The following EIF3E variants were observed in gnomAD, a reference collection of about 807,000 sequenced individuals.
EIF3E encodes eIF-3 p48.
A neutral mutation model predicts 59.3 loss-of-function variants in EIF3E; 25 were observed. The observed-to-expected ratio is 0.42, with a 90% CI of 0.31 to 0.59. The LOEUF is 0.59. Ranked by LOEUF, EIF3E falls within the 20% of genes least tolerant of loss-of-function variation. EIF3E has a pLI of 0.15. For missense variants in EIF3E, 317 were observed against 534.3 expected, an observed-to-expected ratio of 0.59 and a Z score of 4.01; for synonymous variants, 176 against 170.2, an observed-to-expected ratio of 1.03 and a Z score of -0.26.
At chr8:108,235,191 G>T in intron 4 of EIF3E, 89 bp from the exon 5 acceptor site, 3 of 680,062 alleles carry the variant, frequency 4.4e-6, no homozygotes, top group Non-Finnish European at 6.9e-6. Context: ...TCAAAACTAT[G>T]AATGTTTAAG....
rs569695292 is a variant in EIF3E at position 108,219,553 on chromosome 8, T to C, written c.723-2093A>G. On this transcript the variant is annotated intron_variant, in intron 7 of 12. Transcript: ENST00000220849. ...AATGTTTTTCTGATAATGTAATCTGTAATGAGATTTTACATATTTAGTCCT... is the reference window on the plus strand; with the variant it reads ...AATGTTTTTCTGATAATGTAATCTGCAATGAGATTTTACATATTTAGTCCT... Among the ~76,000 whole-genome samples the C allele has an allele frequency of 3.9e-5, 6 of 152,324 alleles. No individual in the cohort carries two copies. The South Asian group carries it at 1.0e-3, about 26-fold the overall frequency.
rs776055807 is a variant in EIF3E, at chr8:108,248,570, T to G, written c.90+43A>C. 4 of 1,602,068 alleles carry G rather than the reference T, an allele frequency of 2.5e-6. No individual in the cohort carries two copies. The East Asian group carries it at 6.7e-5, about 27-fold the overall frequency. On this transcript the variant is annotated intron_variant, in intron 1 of 12. Coordinates refer to ENST00000220849, the MANE Select transcript of EIF3E (RefSeq NM_001568.3). ...CCACCTTTCGGCCTTGCTCAGCACC[T>G]CATCCGCCCCCACGCCTTCCTTGCG...
At chr8:108,216,708 A>G (rs1438956117) in intron 8 of EIF3E, among the ~76,000 whole-genome samples, 195 bp from the exon 9 acceptor site, 2 of 152,096 alleles carry the variant, frequency 1.3e-5, no homozygotes, top group Non-Finnish European at 2.9e-5. Context: ...TTTCAAACCA[A>G]GTTCTCTAAA....
chr8:108,224,683 T>C (rs1003690995), intron 7 of EIF3E, among the ~76,000 whole-genome samples: 3 of 151,576 alleles, frequency 2.0e-5, no homozygotes, highest in African/African-American at 7.3e-5. Flanking sequence ...GCTGTTTCTG[T>C]TCAAAGAAAA....
intron 2 of EIF3E, among the ~76,000 whole-genome samples, chr8:108,240,752 C>T (rs927129946): frequency 7.9e-5 from 12 of 152,140 alleles, no homozygotes; most frequent in East Asian, 3.9e-4. Context: ...GAGGCCAAGG[C>T]GGGCTGATCA....
intron 3 of EIF3E, among the ~76,000 whole-genome samples, chr8:108,237,322 G>T (rs2848620): frequency 0.58 from 88,171 of 151,968 alleles, 25,577 homozygotes; most frequent in Middle Eastern, 0.63. Context: ...TGTAATCTCG[G>T]CTCACTGCCA....
At chr8:108,240,143 T>C (rs1465426986) in intron 2 of EIF3E, 68 bp from the exon 3 acceptor site, 1 of 1,298,838 alleles carries the variant, frequency 7.7e-7, no homozygotes, top group African/African-American at 1.5e-5. Flanking sequence ...ATCATGAGAA[T>C]GTCTGGAAAT....
Position 108,205,639 on chromosome 8 carries a change from T to G in EIF3E, c.1062-2136A>C, listed in dbSNP as rs573907549. Among the ~76,000 whole-genome samples the G allele has an allele frequency of 1.4e-4, 21 of 152,324 alleles. No individual in the cohort carries two copies. The South Asian group carries it at 3.9e-3, about 29-fold the overall frequency. The stretch of plus-strand genomic sequence containing the variant: ...CTGGCTAGCATGATGACATCTTGTA[T>G]TGTCCTACTGTCTCACCTAGGACTT... On this transcript the variant is annotated intron_variant, in intron 10 of 12. Coordinates refer to ENST00000220849, the MANE Select transcript of EIF3E (RefSeq NM_001568.3).
intron 10 of EIF3E, 98 bp from the exon 11 acceptor site, chr8:108,203,601 G>T: frequency 2.2e-6 from 2 of 923,472 alleles, no homozygotes; most frequent in Non-Finnish European, 3.4e-6. Flanking sequence ...GATACTTTTT[G>T]GTATTTCTGG....
At chr8:108,233,659 T>G in intron 5 of EIF3E, 1 of 411,630 alleles carries the variant, frequency 2.4e-6, no homozygotes, top group South Asian at 1.7e-5. Context: ...CTGGGCAACA[T>G]AGCAAGACTC....
Position 108,217,374 on chromosome 8 carries a change from C to G in EIF3E, c.809G>C (p.Arg270Pro). The G allele has an allele frequency of 6.3e-7, 1 of 1,587,788 alleles. No individual in the cohort carries two copies. Among genetic ancestry groups the G allele is most frequent in the Non-Finnish European group, 8.6e-7 (1 of 1,166,286 alleles). ...AVITNKDVRK[R>P]RQVLKDLVKV... Reference sequence around the variant, plus strand: ...AACTAGATCTTTTAGAACCTGCCGACGTTTTCGAACATCCTTGTTTGTTAT... The same window carrying G: ...AACTAGATCTTTTAGAACCTGCCGAGGTTTTCGAACATCCTTGTTTGTTAT... The change falls in exon 8 of 13, where the codon CGT (arginine) becomes CCT (proline). Residue 270 changes from arginine (R) to proline (P), a missense_variant. Around this residue, in one of 4 missense-constraint regions of EIF3E, gnomAD observed 242 missense variants for 398.0 expected, o/e 0.61. Coordinates refer to ENST00000220849, the MANE Select transcript of EIF3E (RefSeq NM_001568.3).
chr8:108,202,325 C>T (rs367889277), intron 12 of EIF3E, among the ~76,000 whole-genome samples: 2 of 152,172 alleles, frequency 1.3e-5, no homozygotes, highest in East Asian at 3.9e-4. Context: ...ATTCTGCGGA[C>T]ACAAATTTGT....
chr8:108,237,064 T>C (rs1815747509), intron 3 of EIF3E, among the ~76,000 whole-genome samples: 1 of 152,100 alleles, frequency 6.6e-6, no homozygotes, highest in African/African-American at 2.4e-5. Context: ...ATGTCCGATA[T>C]ACATGACAGC....
intron 10 of EIF3E, among the ~76,000 whole-genome samples, chr8:108,213,815 T>C (rs1053507210): frequency 6.6e-6 from 1 of 152,194 alleles, no homozygotes; most frequent in African/African-American, 2.4e-5. Flanking sequence ...CCCATGATTA[T>C]ACTATCCTTC....
intron 3 of EIF3E, among the ~76,000 whole-genome samples, chr8:108,238,343 G>A (rs370964208): frequency 2.6e-5 from 4 of 151,908 alleles, no homozygotes; most frequent in Non-Finnish European, 4.4e-5. Flanking sequence ...CCCTACTCAC[G>A]AGCCCCCTCA....
chr8:108,241,673 C>T, intron 2 of EIF3E, 126 bp downstream of exon 2: 1 of 497,574 alleles, frequency 2.0e-6, no homozygotes, highest in Non-Finnish European at 3.5e-6. Context: ...AACCTCTCAC[C>T]CAAAGAACAT....
chr8:108,247,448 C>A (rs912316119), intron 1 of EIF3E, among the ~76,000 whole-genome samples: 1 of 152,098 alleles, frequency 6.6e-6, no homozygotes, highest in Non-Finnish European at 1.5e-5. Context: ...AAAAATATAT[C>A]AAGAGAAAGT....
chr8:108,234,972 A>C (rs766366729), intron 5 of EIF3E, 26 bp downstream of exon 5: 8 of 1,418,090 alleles, frequency 5.6e-6, no homozygotes, highest in East Asian at 4.7e-5. Flanking sequence ...AAAAAAAAAA[A>C]AAAAAAAACA....
chr8:108,243,628 CA>C (rs1233122068), intron 1 of EIF3E, among the ~76,000 whole-genome samples: 1 of 18,220 alleles, frequency 5.5e-5, no homozygotes. Flanking sequence ...GACTCTGTCT[CA>C]AAAAAAAAGA....
Sources: allele counts gnomAD v4.1 joint callset (sites outside exome capture counted in the v4.1 genomes callset), GRCh38; gene constraint gnomAD v4.1.1; regional missense constraint gnomAD v4.1.1; transcripts MANE v1.5; gene names NCBI Gene and HGNC (gene_info 2026-07-23, HGNC 2026-07-21).